The following SGCD variants were observed in gnomAD, a reference collection of about 807,000 sequenced individuals.
SGCD encodes the protein delta-sarcoglycan.
SGCD carries 18 observed loss-of-function variants against 36.6 expected under a neutral mutation model. The ratio of observed to expected loss-of-function variants is 0.49; its 90% CI spans 0.34 to 0.73. SGCD has a LOEUF of 0.73. Among genes scored for constraint, SGCD ranks in the 30% least tolerant of loss-of-function variants. The pLI is 0.01. For synonymous variants in SGCD, 133 were observed against 130.6 expected (o/e 1.02, Z -0.12); for missense variants, 387 against 346.7 (o/e 1.12, Z -0.92).
chr5:155,884,927 C>T (rs1267792659), intron 1 of SGCD, among the ~76,000 whole-genome samples: 1 of 117,128 alleles, frequency 8.5e-6, no homozygotes, highest in Non-Finnish European at 1.6e-5. Flanking sequence ...ACGACGATAA[C>T]TGCCATGACA....
At chr5:156,375,395 CT>C (rs60179274) in intron 3 of SGCD, among the ~76,000 whole-genome samples, 53,306 of 110,588 alleles carry the variant, frequency 0.48, 11,987 homozygotes, top group East Asian at 0.85. Flanking sequence ...TCCTTCACAG[CT>C]TTTTTTTTTT....
intron 3 of SGCD, among the ~76,000 whole-genome samples, chr5:156,424,226 T>C (rs1056652742): frequency 8.5e-5 from 13 of 152,070 alleles, no homozygotes; most frequent in Non-Finnish European, 1.6e-4. Flanking sequence ...CTAATTTTCA[T>C]AAATAAAATG....
intron 3 of SGCD, among the ~76,000 whole-genome samples, chr5:156,230,536 G>T (rs1284228141): frequency 6.6e-6 from 1 of 152,144 alleles, no homozygotes; most frequent in Non-Finnish European, 1.5e-5. Context: ...CCATCTGTGG[G>T]TCTCTCAGCT....
At chr5:156,256,153 A>G (rs1765710354) in intron 3 of SGCD, among the ~76,000 whole-genome samples, 1 of 151,344 alleles carries the variant, frequency 6.6e-6, no homozygotes, top group Non-Finnish European at 1.5e-5. Context: ...CATAATCTAA[A>G]AATTCCAAGA....
At chr5:156,697,994 AT>A (rs1754386971) in intron 7 of SGCD, among the ~76,000 whole-genome samples, 1 of 152,138 alleles carries the variant, frequency 6.6e-6, no homozygotes, top group Non-Finnish European at 1.5e-5. Flanking sequence ...CAGAATCTTA[AT>A]TTTTTTGAGT....
At chr5:156,698,457 G>A (rs146551814) in intron 7 of SGCD, among the ~76,000 whole-genome samples, 331 of 152,288 alleles carry the variant, frequency 2.2e-3, no homozygotes, top group African/African-American at 7.7e-3. Flanking sequence ...CAACCCTTTA[G>A]CAAAGTGTAG....
At chr5:156,111,848 G>A (rs11957890) in intron 1 of SGCD, among the ~76,000 whole-genome samples, 7 of 151,410 alleles carry the variant, frequency 4.6e-5, no homozygotes, top group African/African-American at 9.7e-5. Context: ...GCGTGATCTC[G>A]GCTCACTGCA....
intron 1 of SGCD, among the ~76,000 whole-genome samples, chr5:156,073,882 G>C (rs77546817): frequency 0.066 from 9,992 of 152,242 alleles, 1,037 homozygotes; most frequent in African/African-American, 0.22. Flanking sequence ...ATGAAGCAAG[G>C]CTTGACAGGT....
chr5:156,331,955 C>A (rs1181386841), intron 2 of SGCD, among the ~76,000 whole-genome samples: 1 of 152,134 alleles, frequency 6.6e-6, no homozygotes, highest in African/African-American at 2.4e-5. Context: ...CTTTCTAGCC[C>A]TTTCGCTCTT....
At chr5:156,074,926 A>G (rs907830449) in intron 1 of SGCD, among the ~76,000 whole-genome samples, 14 of 152,366 alleles carry the variant, frequency 9.2e-5, no homozygotes, top group African/African-American at 2.9e-4. Context: ...CATGGTAATC[A>G]TGTGCACCCA....
chr5:156,519,102 CTAAT>C (rs1172776412), intron 4 of SGCD, among the ~76,000 whole-genome samples: 1 of 150,320 alleles, frequency 6.7e-6, no homozygotes, highest in African/African-American at 2.4e-5. Context: ...GCTTGCTAGA[CTAAT>C]AAGAGAAGAA....
chr5:155,961,879 C>T (rs774590510), intron 1 of SGCD, among the ~76,000 whole-genome samples: 45 of 151,934 alleles, frequency 3.0e-4, no homozygotes, highest in Admixed American at 2.6e-3. Context: ...AAGCTTTCTG[C>T]GTAGATATTT....
chr5:156,595,119 G>A, intron 6 of SGCD, 68 bp downstream of exon 6: 1 of 1,525,484 alleles, frequency 6.6e-7, no homozygotes, highest in Non-Finnish European at 8.8e-7. Context: ...AAGCAAAATG[G>A]TGTTATGAAC....
rs113352148 is a variant in SGCD, at chr5:155,964,449, C to T, written c.-282+94025C>T. Among the ~76,000 whole-genome samples the T allele has an allele frequency of 1.9e-3, 283 of 152,128 alleles. 1 individual carries two copies. Among genetic ancestry groups the T allele is most frequent in the African/African-American group, 6.5e-3 (268 of 41,516 alleles). On this transcript the variant is annotated intron_variant, in intron 1 of 9. Transcript: ENST00000517913. ...CACCTCCTGAGTTCCAGTGATTCTC[C>T]TCCCTCAGCCTCCCGAATAGGTGGG...
intron 4 of SGCD, among the ~76,000 whole-genome samples, chr5:156,579,330 A>C (rs1351411067): frequency 1.3e-5 from 2 of 152,154 alleles, no homozygotes; most frequent in Non-Finnish European, 2.9e-5. Context: ...CTTTATTTCC[A>C]ATTATGTGGT....
chr5:156,363,843 T>A (rs971215455), intron 3 of SGCD, among the ~76,000 whole-genome samples: 7 of 152,210 alleles, frequency 4.6e-5, no homozygotes, highest in African/African-American at 7.2e-5. Flanking sequence ...GGAAAGGGGA[T>A]GTCATTGCTT....
chr5:156,560,497 T>C (rs992514852), intron 4 of SGCD, among the ~76,000 whole-genome samples: 1 of 152,188 alleles, frequency 6.6e-6, no homozygotes, highest in Non-Finnish European at 1.5e-5. Context: ...ATGGCATTAA[T>C]GCACCTGTAG....
At chr5:156,035,787 C>A (rs1280416084) in intron 1 of SGCD, among the ~76,000 whole-genome samples, 1 of 152,084 alleles carries the variant, frequency 6.6e-6, no homozygotes, top group Non-Finnish European at 1.5e-5. Context: ...TATATTTAAC[C>A]CATCTTCATT....
chr5:156,581,421 C>T (rs1391963501), intron 4 of SGCD, among the ~76,000 whole-genome samples: 4 of 152,190 alleles, frequency 2.6e-5, no homozygotes, highest in African/African-American at 7.2e-5. Flanking sequence ...CAAGCCCAAA[C>T]GCTGTGCTGG....
Sources: allele counts gnomAD v4.1 joint callset (sites outside exome capture counted in the v4.1 genomes callset), GRCh38; gene constraint gnomAD v4.1.1; transcripts MANE v1.5; gene names NCBI Gene and HGNC (gene_info 2026-07-23, HGNC 2026-07-21).